NBEA: variants seen among roughly 807,000 people sequenced by gnomAD.
The protein encoded by NBEA is lysosomal-trafficking regulator 2.
NBEA carries 44 observed loss-of-function variants against 343.4 expected under a neutral mutation model. The ratio of observed to expected loss-of-function variants is 0.13; its 90% CI spans 0.10 to 0.16. NBEA has a LOEUF of 0.16. Ranked by LOEUF, NBEA falls within the 10% of genes least tolerant of loss-of-function variation. NBEA has a pLI of 1.00. For synonymous variants in NBEA, 1,175 were observed against 1,238.7 expected, an observed-to-expected ratio of 0.95 and a Z score of 1.08; for missense variants, 2,555 against 3,631.3, an observed-to-expected ratio of 0.70 and a Z score of 7.62.
chr13:35,133,508 C>A (rs1430398678), intron 17 of NBEA, among the ~76,000 whole-genome samples: 1 of 152,024 alleles, frequency 6.6e-6, no homozygotes, highest in Non-Finnish European at 1.5e-5. Context: ...GAGAAAGTCT[C>A]ATGTGTGTGA....
chr13:35,550,683 C>G (rs1256802230), intron 42 of NBEA, 89 bp downstream of exon 42: 5 of 803,042 alleles, frequency 6.2e-6, no homozygotes. Flanking sequence ...ATTTTTCCTA[C>G]TGTATTTCTG....
intron 36 of NBEA, among the ~76,000 whole-genome samples, chr13:35,333,249 T>C (rs1040259583): frequency 1.4e-5 from 2 of 147,334 alleles, no homozygotes; most frequent in Admixed American, 1.3e-4. Context: ...CAAAATAGAA[T>C]GAATAAAAAG....
At chr13:35,368,096 T>C (rs2041226469) in intron 38 of NBEA, among the ~76,000 whole-genome samples, 1 of 151,578 alleles carries the variant, frequency 6.6e-6, no homozygotes, top group Non-Finnish European at 1.5e-5. Flanking sequence ...TTGTAATTAT[T>C]TTCTTGAAAA....
chr13:34,960,913 TAAAC>T (rs1243896310), intron 1 of NBEA, among the ~76,000 whole-genome samples: 1 of 152,138 alleles, frequency 6.6e-6, no homozygotes, highest in Non-Finnish European at 1.5e-5. Context: ...CTCTGAAAGA[TAAAC>T]TAATATATTT....
At chr13:35,472,110 GTTAATGGCAGCCCCT>G (rs912073226) in intron 40 of NBEA, among the ~76,000 whole-genome samples, 2 of 152,154 alleles carry the variant, frequency 1.3e-5, no homozygotes, top group African/African-American at 4.8e-5. Flanking sequence ...TTTTAAGTAA[GTTAATGGCAGCCCCT>G]TACCAACCAT....
intron 30 of NBEA, among the ~76,000 whole-genome samples, chr13:35,194,396 C>A (rs1408640877): frequency 1.3e-5 from 2 of 151,988 alleles, no homozygotes; most frequent in Non-Finnish European, 2.9e-5. Context: ...GTCCTAACAA[C>A]CTTTGAATTC....
At chr13:35,044,059 GCAAT>G (rs1370084593) in intron 2 of NBEA, among the ~76,000 whole-genome samples, 1 of 152,130 alleles carries the variant, frequency 6.6e-6, no homozygotes, top group East Asian at 1.9e-4. Context: ...TGTAGAGAAA[GCAAT>G]CAGAGACAAG....
At chr13:35,054,308 A>G (rs896050535) in intron 6 of NBEA, among the ~76,000 whole-genome samples, 8 of 152,132 alleles carry the variant, frequency 5.3e-5, no homozygotes, top group South Asian at 2.1e-4. Flanking sequence ...GTAAAATTCT[A>G]TAAGATTTTC....
chr13:35,103,187 C>A (rs1342417908), intron 11 of NBEA, among the ~76,000 whole-genome samples: 1 of 151,322 alleles, frequency 6.6e-6, no homozygotes, highest in Non-Finnish European at 1.5e-5. Context: ...GATTTTAAAC[C>A]TTCCTTATAT....
chr13:35,187,436 TAGTAAC>T (rs571296160), intron 30 of NBEA, among the ~76,000 whole-genome samples: 20 of 150,682 alleles, frequency 1.3e-4, no homozygotes, highest in African/African-American at 4.4e-4. Context: ...TAATACAACA[TAGTAAC>T]AGTAAGTATA....
At chr13:35,004,729 G>T (rs932434960) in intron 1 of NBEA, among the ~76,000 whole-genome samples, 1 of 152,056 alleles carries the variant, frequency 6.6e-6, no homozygotes, top group African/African-American at 2.4e-5. Context: ...AATCCCACTT[G>T]GTATATGACA....
intron 1 of NBEA, among the ~76,000 whole-genome samples, chr13:34,967,786 A>C (rs1454355477): frequency 2.0e-5 from 3 of 152,072 alleles, no homozygotes; most frequent in African/African-American, 7.2e-5. Flanking sequence ...TCATTTTTCA[A>C]CACCAATTCT....
At chr13:35,130,329 G>T (rs2067348220) in intron 17 of NBEA, among the ~76,000 whole-genome samples, 1 of 152,000 alleles carries the variant, frequency 6.6e-6, no homozygotes, top group Non-Finnish European at 1.5e-5. Context: ...AAATGTAAAG[G>T]ATGAGTTGGG....
intron 38 of NBEA, among the ~76,000 whole-genome samples, chr13:35,403,765 T>G (rs1224368285): frequency 1.3e-5 from 2 of 151,752 alleles, no homozygotes; most frequent in African/African-American, 4.8e-5. Flanking sequence ...GGGATCTAAT[T>G]AAACTAAAGA....
chr13:35,346,800 C>T (rs1044477948), intron 36 of NBEA, among the ~76,000 whole-genome samples: 1 of 152,066 alleles, frequency 6.6e-6, no homozygotes, highest in African/African-American at 2.4e-5. Context: ...GTTATTTAAC[C>T]TAAATCTTAT....
intron 31 of NBEA, among the ~76,000 whole-genome samples, chr13:35,199,225 G>A (rs537274796): frequency 6.6e-6 from 1 of 152,182 alleles, no homozygotes; most frequent in South Asian, 2.1e-4. Context: ...CTGTCTTAAG[G>A]TAGCTATAAT....
At chr13:35,105,164 G>A (rs2065855456) in intron 11 of NBEA, among the ~76,000 whole-genome samples, 1 of 152,014 alleles carries the variant, frequency 6.6e-6, no homozygotes, top group Non-Finnish European at 1.5e-5. Flanking sequence ...AAGGAGTATA[G>A]TGTAAGTGTA....
At chr13:35,405,986 A>G (rs531276648) in intron 38 of NBEA, among the ~76,000 whole-genome samples, 2 of 152,272 alleles carry the variant, frequency 1.3e-5, no homozygotes, top group African/African-American at 4.8e-5. Context: ...AGAGTGTATA[A>G]GAGCTCTAAA....
At chr13:35,640,109 G>C (rs1271220848) in intron 49 of NBEA, among the ~76,000 whole-genome samples, 1 of 152,064 alleles carries the variant, frequency 6.6e-6, no homozygotes, top group African/African-American at 2.4e-5. Flanking sequence ...TGGCTTACTT[G>C]GTTGCCACAT....
Sources: allele counts gnomAD v4.1 joint callset (sites outside exome capture counted in the v4.1 genomes callset), GRCh38; gene constraint gnomAD v4.1.1; transcripts MANE v1.5; gene names NCBI Gene and HGNC (gene_info 2026-07-23, HGNC 2026-07-21).